CERCAM: variants seen among roughly 807,000 people sequenced by gnomAD.
CERCAM encodes the protein inactive glycosyltransferase 25 family member 3.
CERCAM carries 59 observed loss-of-function variants against 66.0 expected under a neutral mutation model. The observed-to-expected ratio is 0.89, with a 90% CI of 0.73 to 1.11. The LOEUF is 1.11. CERCAM is among the 50% of genes most tolerant of loss of function. The probability of loss-of-function intolerance (pLI) is 0.00; values close to 1 mark genes in which losing one functional copy is unlikely to be tolerated. For missense variants in CERCAM, 840 were observed against 828.3 expected, an observed-to-expected ratio of 1.01 and a Z score of -0.17; for synonymous variants, 318 against 343.6, an observed-to-expected ratio of 0.93 and a Z score of 0.83.
At chr9:128,425,867 G>T (rs556108994) in intron 5 of CERCAM, among the ~76,000 whole-genome samples, 6 of 144,174 alleles carry the variant, frequency 4.2e-5, no homozygotes, top group Non-Finnish European at 8.9e-5. Flanking sequence ...TGGCTCCCAG[G>T]CTAGAGTGCA....
chr9:128,422,558 A>T (rs1833734553), intron 1 of CERCAM: 1 of 277,736 alleles, frequency 3.6e-6, no homozygotes. Context: ...ACAGAGCAAG[A>T]TTCCATCTCA....
rs765727752 is a variant in CERCAM at position 128,422,945 on chromosome 9, C to G, written c.275C>G (p.Ala92Gly). Residue 92 changes from alanine to glycine, a missense_variant, in exon 2 of 13, where the codon GCT (alanine) becomes GGT (glycine). Ala to Gly is a moderately conservative substitution (Grantham distance 60, BLOSUM62 0). Coordinates refer to ENST00000372838, the MANE Select transcript of CERCAM (RefSeq NM_016174.5). ...CTGGCGGCTGTGGGCGATGACTATG[C>G]TGCTGTGGTCTGGAGGCCTGAGGGC... ...EWLAAVGDDY[A>G]AVVWRPEGEP... The G allele has an allele frequency of 3.7e-6, 6 of 1,613,822 alleles. No individual in the cohort carries two copies. The South Asian group carries it at 5.5e-5, about 15-fold the overall frequency.
rs769874583 is a variant in CERCAM at position 128,435,686 on chromosome 9, C to T, written c.1569C>T (p.Asp523=). 4 of 1,613,588 alleles carry T rather than the reference C, an allele frequency of 2.5e-6. No homozygotes were observed. The highest frequency in any genetic ancestry group is 3.4e-6 in the Non-Finnish European group (4 of 1,179,882). Residue 523 remains aspartate (D), a synonymous_variant, in exon 12 of 13, where the codon GAC becomes GAT. Transcript: ENST00000372838. ...ACAAGGCACACTTCTGGCCACGGGA[C>T]CTGGTGGCCTTCTCCGCCCAGCCCC... ...EQYKAHFWPR[D]LVAFSAQPLL...
At chr9:128,420,812 C>T (rs983933779), upstream of CERCAM, 2 of 773,080 alleles carry the variant, frequency 2.6e-6, no homozygotes, top group Non-Finnish European at 3.4e-6. This position sits in a 1 kb window ranked among gnomAD's most constrained non-coding sequence, Gnocchi z 5.0. Flanking sequence ...GGGCCCCAGG[C>T]CCCGCCCCCT....
chr9:128,420,854 G>A (rs1389064621), upstream of CERCAM: 33 of 1,182,628 alleles, frequency 2.8e-5, no homozygotes, highest in Non-Finnish European at 3.3e-5. This position sits in a 1 kb window ranked among gnomAD's most constrained non-coding sequence, Gnocchi z 5.0. Flanking sequence ...TCCGGGGGCC[G>A]CTGCAGCCGC....
chr9:128,424,278 G>T lies in CERCAM; in HGVS notation c.561+6G>T, dbSNP rs1833784069. On this transcript the variant is annotated splice_donor_region_variant and intron_variant, in intron 4 of 12. Transcript: ENST00000372838. ...GGTGTGGGATCACCCCCCAGGTGAG[G>T]CCGGGATGGGGGCCTTGGGTGGACT... 3 of 1,613,830 alleles carry T rather than the reference G, an allele frequency of 1.9e-6. No homozygotes were observed. The East Asian group carries it at 6.7e-5, about 36-fold the overall frequency.
rs368947852 is a variant in CERCAM at position 128,424,439 on chromosome 9, C to T, written c.591C>T (p.Phe197=). 1.9e-6 allele frequency: 3 copies of T among 1,613,994 alleles called. No individual in the cohort carries two copies. The highest frequency in any genetic ancestry group is 2.5e-6 in the Non-Finnish European group (3 of 1,180,048). The part of the protein sequence containing the change: ...QGYYRRTAEY[F]PTKNRQRRGC... ...ACTACCGCCGCACAGCCGAGTACTT[C>T]CCCACCAAGAACCGCCAGCGCCGGG... The change falls in exon 5 of 13, where the codon TTC becomes TTT. Residue 197 remains phenylalanine (F), a synonymous_variant. Transcript: ENST00000372838.
chr9:128,421,109 C>T, intron 1 of CERCAM, 35 bp downstream of exon 1: 2 of 1,271,146 alleles, frequency 1.6e-6, no homozygotes, highest in Non-Finnish European at 2.0e-6. Context: ...GAGTGGGCAC[C>T]TAACCCCCAG....
rs1224245872 is a variant in CERCAM at position 128,435,735 on chromosome 9, G to T, written c.1618G>T (p.Ala540Ser). Residue 540 changes from alanine (A) to serine (S), a missense_variant, in exon 12 of 13, where the codon GCC becomes TCC. Transcript: ENST00000372838. ...CCTGCTCGCTGCCCCTACCCACTAT[G>T]CCGGGGACGCCGAGTGGCTCAGTGA... ...QPLLAAPTHYAGDAEWLSDTE... is the reference protein window; with the variant it reads ...QPLLAAPTHYSGDAEWLSDTE... The T allele has an allele frequency of 5.6e-6, 9 of 1,613,530 alleles. No individual in the cohort carries two copies. Among genetic ancestry groups the T allele is most frequent in the Non-Finnish European group, 6.8e-6 (8 of 1,179,904 alleles).
intron 8 of CERCAM, chr9:128,430,964 G>A: frequency 1.8e-6 from 1 of 554,818 alleles, no homozygotes; most frequent in Admixed American, 3.0e-5. Context: ...AGCTGAGATG[G>A]TGCCACTGCA....
rs1588614755 is a variant in CERCAM at position 128,423,228 on chromosome 9, A to C, written c.391A>C (p.Thr131Pro). 1.2e-6 allele frequency: 2 copies of C among 1,614,018 alleles called. No homozygotes were observed. The highest frequency in any genetic ancestry group is 1.7e-6 in the Non-Finnish European group (2 of 1,180,008). Residue 131 changes from threonine to proline, a missense_variant, in exon 3 of 13, where the codon ACC becomes CCC. By Grantham distance (38) the Thr-to-Pro change is conservative. Coordinates refer to ENST00000372838, the MANE Select transcript of CERCAM (RefSeq NM_016174.5). ...GATGGAGCTGAAGCAGGAAGCCCTCACCTTTGCCAGGAACTGGGGGGCCGA... is the reference window on the plus strand; with the variant it reads ...GATGGAGCTGAAGCAGGAAGCCCTCCCCTTTGCCAGGAACTGGGGGGCCGA... ...FLMELKQEALTFARNWGADYI... is the reference protein window; with the variant it reads ...FLMELKQEALPFARNWGADYI...
At chr9:128,435,565 G>A (rs1834088403) in intron 11 of CERCAM, 88 bp from the exon 12 acceptor site, 2 of 1,446,544 alleles carry the variant, frequency 1.4e-6, no homozygotes, top group South Asian at 1.4e-5. Context: ...GGTGCTTTGG[G>A]CAGGCAAGGT....
intron 1 of CERCAM, chr9:128,422,211 C>G (rs576291323): frequency 6.6e-6 from 1 of 152,422 alleles, no homozygotes; most frequent in Non-Finnish European, 1.5e-5. Context: ...GCCCACCTAA[C>G]GAAGGTAACC....
At chr9:128,424,361 G>C in intron 4 of CERCAM, 49 bp from the exon 5 acceptor site, 1 of 1,612,360 alleles carries the variant, frequency 6.2e-7, no homozygotes, top group Non-Finnish European at 8.5e-7. Flanking sequence ...GGGTCTGTGG[G>C]CAGGGGCAGG....
At chr9:128,435,543 G>A (rs756175747) in intron 11 of CERCAM, 110 bp from the exon 12 acceptor site, 40 of 1,211,644 alleles carry the variant, frequency 3.3e-5, no homozygotes, top group Non-Finnish European at 4.6e-5. Context: ...AGGACTAGAT[G>A]GCGGGGAGTG....
chr9:128,434,212 A>G lies in CERCAM; in HGVS notation c.1314A>G (p.Lys438=). The G allele has an allele frequency of 6.2e-7, 1 of 1,614,046 alleles. No homozygotes were observed. Among genetic ancestry groups the G allele is most frequent in the Middle Eastern group, 1.6e-4 (1 of 6,062 alleles). ...TGATGGAGGATGTGGAGGCAGAGAA[A>G]CTGTCTTGGGACCTGATGTAGGCAG... is the stretch of plus-strand genomic sequence containing the variant. ...ERLMEDVEAE[K]LSWDLIYLGR... is the part of the protein sequence containing the mutation. The change falls in exon 10 of 13, where the codon AAA becomes AAG. Residue 438 remains lysine, a synonymous_variant. Transcript: ENST00000372838. The surrounding 1 kb of genome is among the most constrained non-coding windows in gnomAD (Gnocchi z 4.5).
chr9:128,423,015 A>G (rs1033469238), intron 2 of CERCAM, 37 bp downstream of exon 2: 18 of 1,613,000 alleles, frequency 1.1e-5, no homozygotes, highest in Non-Finnish European at 1.5e-5. Context: ...GGGAAGATGG[A>G]GAACAGCTGC....
In CERCAM at chr9:128,420,996, G is replaced by C. The variant is rs1381559359; in HGVS notation, c.119G>C (p.Arg40Pro). The change falls in exon 1 of 13, where the codon CGC (arginine) becomes CCC (proline). Residue 40 changes from arginine to proline, a missense_variant. Transcript: ENST00000372838. The surrounding 1 kb of genome is among the most constrained non-coding windows in gnomAD (Gnocchi z 5.0). ...GCCGTGGTCCTTGCCATCCTGGCCC[G>C]CAATGCCGAACACTCGCTGCCCCAC... ...LPAVVLAILARNAEHSLPHYL... is the reference protein window; with the variant it reads ...LPAVVLAILAPNAEHSLPHYL... 8 of 1,465,090 alleles carry C rather than the reference G, an allele frequency of 5.5e-6. No homozygotes were observed. Among genetic ancestry groups the C allele is most frequent in the Non-Finnish European group, 5.4e-6 (6 of 1,109,286 alleles). The allele number at this position is 1,465,090 out of a possible 1,614,324, so 90.8% of individuals were successfully genotyped here.
In CERCAM at chr9:128,431,283, C is replaced by T; in HGVS notation, c.1183C>T (p.His395Tyr). ...GGGCGAGGTGGGCTGCTTCCTCAGC[C>T]ATTACTCCATCTGGGAAGAGGTGAG... is the stretch of plus-strand genomic sequence containing the variant. The part of the protein sequence containing the change: ...TKGEVGCFLS[H>Y]YSIWEEVVAR... The change falls in exon 9 of 13, where the codon CAT (histidine) becomes TAT (tyrosine). Residue 395 changes from histidine (H) to tyrosine (Y), a missense_variant. His to Tyr is a moderately conservative substitution (Grantham distance 83). Transcript: ENST00000372838. 6.2e-7 allele frequency: 1 copy of T among 1,614,056 alleles called. No individual in the cohort carries two copies. The highest frequency in any genetic ancestry group is 8.5e-7 in the Non-Finnish European group (1 of 1,180,020).
Sources: gnomAD v4.1 joint callset for allele counts (sites outside exome capture counted in the v4.1 genomes callset) on GRCh38, gnomAD v4.1.1 for gene constraint, Gnocchi (gnomAD v3.1) non-coding constraint, MANE v1.5 for transcripts, NCBI Gene and HGNC (gene_info 2026-07-23, HGNC 2026-07-21) for gene names.